Variants in SSH2 observed in about 807,000 individuals in gnomAD.
SSH2 encodes protein phosphatase Slingshot homolog 2.
A neutral mutation model predicts 135.2 loss-of-function variants in SSH2; 37 were observed. That is an observed-to-expected ratio of 0.27 (90% CI 0.21 to 0.36). SSH2 has a LOEUF of 0.36. SSH2 is among the 10% of genes least tolerant of loss of function. The pLI, the probability that SSH2 is intolerant of heterozygous loss-of-function variation, is 1.00. For synonymous variants in SSH2, 628 were observed against 646.2 expected (o/e 0.97, Z 0.43); for missense variants, 1,408 against 1,765.3 (o/e 0.80, Z 3.63).
intron 4 of SSH2, among the ~76,000 whole-genome samples, chr17:29,696,989 G>A (rs757288294): frequency 1.3e-5 from 2 of 151,796 alleles, no homozygotes; most frequent in Non-Finnish European, 2.9e-5. Flanking sequence ...TGGCCAATGA[G>A]AGTATATATT....
chr17:29,685,219 T>C (rs1425601058), intron 5 of SSH2, among the ~76,000 whole-genome samples: 2 of 152,234 alleles, frequency 1.3e-5, no homozygotes, highest in African/African-American at 2.4e-5. Flanking sequence ...ATTGCATTTT[T>C]AGAAACTTCT....
intron 4 of SSH2, among the ~76,000 whole-genome samples, chr17:29,702,134 C>T (rs2039008741): frequency 6.6e-6 from 1 of 151,968 alleles, no homozygotes; most frequent in South Asian, 2.1e-4. Context: ...GGGTGGATCA[C>T]CTCAGGCCAG....
At chr17:29,685,660 A>T (rs2038181080) in intron 5 of SSH2, among the ~76,000 whole-genome samples, 1 of 149,396 alleles carries the variant, frequency 6.7e-6, no homozygotes. Context: ...GTGGTGGCGC[A>T]CGCCTGTAAT....
At chr17:29,647,429 G>A (rs779419981) in intron 14 of SSH2, among the ~76,000 whole-genome samples, 4 of 151,588 alleles carry the variant, frequency 2.6e-5, no homozygotes, top group African/African-American at 4.8e-5. Context: ...GCTAAGCCTC[G>A]CATTACCTTG....
intron 13 of SSH2, among the ~76,000 whole-genome samples, chr17:29,649,733 G>A (rs1284830391): frequency 6.6e-6 from 1 of 152,020 alleles, no homozygotes; most frequent in Non-Finnish European, 1.5e-5. Context: ...AATACTACAT[G>A]AGAGAACAGT....
chr17:29,843,364 A>G (rs62068621), intron 2 of SSH2, among the ~76,000 whole-genome samples: 63,578 of 151,906 alleles, frequency 0.42, 15,215 homozygotes, highest in East Asian at 0.69. Flanking sequence ...GCGAAACCCC[A>G]TCTCCACTAC....
intron 1 of SSH2, among the ~76,000 whole-genome samples, chr17:29,924,483 A>G (rs1446351763): frequency 6.6e-6 from 1 of 152,248 alleles, no homozygotes; most frequent in African/African-American, 2.4e-5. Context: ...ATCAAGATTT[A>G]AAACAAGAGT....
intron 2 of SSH2, among the ~76,000 whole-genome samples, chr17:29,813,061 A>G (rs1478862728): frequency 6.6e-6 from 1 of 152,132 alleles, no homozygotes; most frequent in Non-Finnish European, 1.5e-5. Flanking sequence ...CGAACAAGGA[A>G]TTCCAATTAG....
intron 1 of SSH2, among the ~76,000 whole-genome samples, chr17:29,890,693 A>C (rs924649327): frequency 6.6e-6 from 1 of 152,176 alleles, no homozygotes; most frequent in African/African-American, 2.4e-5. Flanking sequence ...AATTTTCAAA[A>C]ACTGACTGTG....
In SSH2 at chr17:29,774,398, G is replaced by T. The variant is rs28503721; in HGVS notation, c.188+19496C>A. 6.5e-3 allele frequency among the ~76,000 whole-genome samples: 996 copies of T among 152,208 alleles called. 6 individuals carry two copies. The highest frequency in any genetic ancestry group is 0.023 in the African/African-American group (954 of 41,536). ...TCCTGCCTCAGCCTCCCAAGTAGCT[G>T]GGATTACAGGTATACACCACCATGC... On this transcript the variant is annotated intron_variant, in intron 3 of 15. Transcript: ENST00000540801.
At chr17:29,708,978 C>T (rs1287341266) in intron 3 of SSH2, among the ~76,000 whole-genome samples, 1 of 122,952 alleles carries the variant, frequency 8.1e-6, no homozygotes, top group Non-Finnish European at 1.7e-5. Context: ...AGGGGAAAGT[C>T]ATCCCTAGTT....
intron 2 of SSH2, among the ~76,000 whole-genome samples, chr17:29,810,485 T>C (rs560626133): frequency 1.6e-4 from 25 of 152,330 alleles, no homozygotes; most frequent in African/African-American, 4.3e-4. Flanking sequence ...TCCCAGAAAA[T>C]AGTTCATTAA....
chr17:29,810,689 A>G lies in SSH2; in HGVS notation c.145-16752T>C, dbSNP rs187049828. 7.9e-5 allele frequency among the ~76,000 whole-genome samples: 12 copies of G among 152,316 alleles called. No homozygotes were observed. In the East Asian group the frequency reaches 2.3e-3, roughly 29 times the overall value. ...TCTATTTCTGGGCCTTCTAGGCAAC[A>G]TCTTTCTTGTACACCATGCTATTAT... is the stretch of plus-strand genomic sequence containing the variant. On this transcript the variant is annotated intron_variant, in intron 2 of 15. Transcript: ENST00000540801.
chr17:29,662,225 G>A (rs2037076616), intron 11 of SSH2, among the ~76,000 whole-genome samples: 1 of 152,142 alleles, frequency 6.6e-6, no homozygotes, highest in South Asian at 2.1e-4. Context: ...AAAGACCCAA[G>A]TAACTGATTT....
chr17:29,761,121 C>T (rs1217967016), intron 3 of SSH2: 1 of 1,287,146 alleles, frequency 7.8e-7, no homozygotes, highest in Non-Finnish European at 1.0e-6. Context: ...TGAGCGTTCG[C>T]GGAGGCGGAG....
intron 1 of SSH2, among the ~76,000 whole-genome samples, chr17:29,874,847 G>C (rs906263010): frequency 1.3e-5 from 2 of 152,134 alleles, no homozygotes; most frequent in Non-Finnish European, 2.9e-5. Flanking sequence ...ATCTAAATCA[G>C]TCAGAAAATT....
At chr17:29,719,514 CAAAAGAAAAAAAA>C (rs996982605) in intron 3 of SSH2, among the ~76,000 whole-genome samples, 4 of 111,312 alleles carry the variant, frequency 3.6e-5, no homozygotes, top group Middle Eastern at 0.01. Flanking sequence ...GACTCTGTCT[CAAAAGAAAAAAAA>C]AAAAGAAAAA....
At chr17:29,802,618 C>CAAAAAA (rs74267073) in intron 2 of SSH2, among the ~76,000 whole-genome samples, 47 of 56,764 alleles carry the variant, frequency 8.3e-4, no homozygotes, top group Middle Eastern at 0.013. Flanking sequence ...ACTGTTTCTA[C>CAAAAAA]AAAAAAAAAA....
intron 2 of SSH2, among the ~76,000 whole-genome samples, chr17:29,847,383 A>G (rs2043149907): frequency 1.3e-5 from 2 of 152,330 alleles, no homozygotes; most frequent in East Asian, 3.9e-4. Flanking sequence ...GAGGGCAGAG[A>G]CCAGGGCCTC....
Sources: gnomAD v4.1 joint callset for allele counts (sites outside exome capture counted in the v4.1 genomes callset) on GRCh38, gnomAD v4.1.1 for gene constraint, MANE v1.5 for transcripts, NCBI Gene and HGNC (gene_info 2026-07-23, HGNC 2026-07-21) for gene names.